Variants in R3HDML observed in about 807,000 individuals in gnomAD.
The protein encoded by R3HDML is R3H domain containing like, also known as peptidase inhibitor R3HDML.
In R3HDML, 21 loss-of-function variants were observed where a neutral mutation model predicts 24.2. The ratio of observed to expected loss-of-function variants is 0.87; its 90% CI spans 0.62 to 1.25. The LOEUF (loss-of-function observed/expected upper bound fraction) is 1.25. R3HDML is among the 50% of genes most tolerant of loss of function. The pLI is 0.00. For synonymous variants in R3HDML, 133 were observed against 131.5 expected (o/e 1.01, Z -0.08); for missense variants, 301 against 340.3 (o/e 0.88, Z 0.91).
intron 2 of R3HDML, 61 bp downstream of exon 2, chr20:44,341,375 C>A: frequency 7.4e-7 from 1 of 1,347,816 alleles, no homozygotes; most frequent in Non-Finnish European, 1.1e-6. Context: ...TGAACACTTA[C>A]TCTGTACCAG....
At chr20:44,340,757 G>C (rs538717955) in intron 1 of R3HDML, among the ~76,000 whole-genome samples, 3 of 152,114 alleles carry the variant, frequency 2.0e-5, no homozygotes, top group Non-Finnish European at 4.4e-5. Context: ...AGTGAGCTGC[G>C]ATCGCACCAC....
intron 4 of R3HDML, among the ~76,000 whole-genome samples, chr20:44,345,637 C>T (rs1037654701): frequency 2.0e-5 from 3 of 150,892 alleles, no homozygotes; most frequent in African/African-American, 7.3e-5. Context: ...GACCCCAACT[C>T]TTAAAAAAAA....
chr20:44,338,153 G>T (rs1483468509), intron 1 of R3HDML, among the ~76,000 whole-genome samples: 2 of 152,232 alleles, frequency 1.3e-5, no homozygotes, highest in African/African-American at 4.8e-5. Flanking sequence ...CCAGCCTAGA[G>T]GGATGGGTTT....
intron 1 of R3HDML, 118 bp from the exon 2 acceptor site, chr20:44,341,078 G>A: frequency 1.3e-6 from 1 of 791,876 alleles, no homozygotes. Flanking sequence ...ACGTGGGTTT[G>A]TTGCAGGGTT....
intron 3 of R3HDML, chr20:44,344,917 A>G (rs2062782246): frequency 1.2e-5 from 3 of 246,592 alleles, no homozygotes; most frequent in Non-Finnish European, 2.3e-5. Context: ...TCGCGACTGC[A>G]CTTGACTGAG....
intron 2 of R3HDML, among the ~76,000 whole-genome samples, chr20:44,342,355 C>CA (rs1481865973): frequency 2.0e-5 from 3 of 152,176 alleles, no homozygotes; most frequent in Admixed American, 2.0e-4. Context: ...TCACTGGTCA[C>CA]AACCAGCACC....
intron 1 of R3HDML, among the ~76,000 whole-genome samples, chr20:44,339,611 G>GTC (rs2062766944): frequency 6.9e-6 from 1 of 144,552 alleles, no homozygotes. Flanking sequence ...GTGTGTCTGT[G>GTC]TGTGTGTGTA....
chr20:44,338,057 G>A (rs1328679007), intron 1 of R3HDML, among the ~76,000 whole-genome samples: 1 of 152,146 alleles, frequency 6.6e-6, no homozygotes, highest in East Asian at 1.9e-4. Context: ...AGGCAGGGCT[G>A]GTGGCTCTCA....
intron 2 of R3HDML, among the ~76,000 whole-genome samples, chr20:44,342,380 GTGAA>G (rs2062774561): frequency 6.6e-6 from 1 of 152,016 alleles, no homozygotes; most frequent in East Asian, 1.9e-4. Context: ...TCTGAGAGCC[GTGAA>G]TGGTCACTCA....
chr20:44,342,482 T>C (rs1313237460), intron 2 of R3HDML, among the ~76,000 whole-genome samples: 1 of 152,124 alleles, frequency 6.6e-6, no homozygotes, highest in Non-Finnish European at 1.5e-5. Flanking sequence ...CCTGCCAGAC[T>C]CCACCCCTAC....
At chr20:44,345,191 C>T in intron 3 of R3HDML, 72 bp from the exon 4 acceptor site, 1 of 1,213,748 alleles carries the variant, frequency 8.2e-7, no homozygotes, top group Admixed American at 1.7e-5. Context: ...CCTAATGCAA[C>T]TGTACAACCC....
intron 2 of R3HDML, 144 bp downstream of exon 2, chr20:44,341,458 C>A: frequency 1.6e-6 from 1 of 642,738 alleles, no homozygotes; most frequent in Non-Finnish European, 2.6e-6. Context: ...AGCCTGCATT[C>A]TAGTTAGAAG....
intron 3 of R3HDML, among the ~76,000 whole-genome samples, chr20:44,344,088 T>C (rs1323920018): frequency 1.3e-5 from 2 of 152,160 alleles, no homozygotes; most frequent in East Asian, 3.8e-4. Context: ...AAGACCATCC[T>C]GGCTAACACG....
chr20:44,339,715 G>T lies in R3HDML; in HGVS notation c.262-1481G>T, dbSNP rs979172298. Among the ~76,000 whole-genome samples, 3 of 151,788 alleles carry T rather than the reference G, an allele frequency of 2.0e-5. No homozygotes were observed. The South Asian group carries it at 6.2e-4, about 32-fold the overall frequency. ...GACTGCCTCTTGGGACGGTGTGCAG[G>T]GTGGTGGGGTTGGGGGAGAAGTATA... On this transcript the variant is annotated intron_variant, in intron 1 of 4. Coordinates refer to ENST00000217043, the MANE Select transcript of R3HDML (RefSeq NM_178491.4).
chr20:44,341,412 T>C, intron 2 of R3HDML, 98 bp downstream of exon 2: 1 of 999,844 alleles, frequency 1.0e-6, no homozygotes, highest in South Asian at 1.7e-5. Flanking sequence ...TGGGATACAG[T>C]GGCGAGCAAG....
intron 1 of R3HDML, among the ~76,000 whole-genome samples, chr20:44,340,984 CT>C (rs1217644334): frequency 6.6e-6 from 1 of 152,216 alleles, no homozygotes; most frequent in African/African-American, 2.4e-5. Context: ...GTCAAGAGAT[CT>C]GGGTGTGGAC....
intron 4 of R3HDML, among the ~76,000 whole-genome samples, chr20:44,348,397 G>T (rs1052006242): frequency 2.0e-5 from 3 of 151,270 alleles, no homozygotes; most frequent in African/African-American, 7.4e-5. Context: ...GACAGGCTTC[G>T]GCCTTCCCCT....
chr20:44,343,341 C>G lies in R3HDML; in HGVS notation c.381-36C>G, dbSNP rs371745804. The G allele has an allele frequency of 3.1e-6, 5 of 1,604,768 alleles. No individual in the cohort carries two copies. In the African/African-American group the frequency reaches 5.4e-5, roughly 17 times the overall value. On this transcript the variant is annotated intron_variant, in intron 2 of 4. Transcript: ENST00000217043. ...GGCGGCCGAGCCACTTTTCCATCCT[C>G]TCACCCAGCTTCTTCCGTGTCCCCC...
intron 4 of R3HDML, among the ~76,000 whole-genome samples, chr20:44,349,105 C>T (rs561764759): frequency 1.3e-5 from 2 of 149,892 alleles, no homozygotes; most frequent in East Asian, 2.0e-4. Flanking sequence ...CTAGCCTGGG[C>T]GACAATGCGA....
Sources: gnomAD v4.1 joint callset for allele counts (sites outside exome capture counted in the v4.1 genomes callset) on GRCh38, gnomAD v4.1.1 for gene constraint, MANE v1.5 for transcripts, NCBI Gene and HGNC (gene_info 2026-07-23, HGNC 2026-07-21) for gene names.